CHSY3: variants seen among roughly 807,000 people sequenced by gnomAD.
CHSY3 encodes the protein N-acetylgalactosaminyl-proteoglycan 3-beta-glucuronosyltransferase 3.
In CHSY3, 35 loss-of-function variants were observed where a neutral mutation model predicts 67.2. That is an observed-to-expected ratio of 0.52 (90% CI 0.40 to 0.69). The LOEUF is 0.69. CHSY3 is among the 30% of genes least tolerant of loss of function. The probability of loss-of-function intolerance (pLI) is 0.00; values close to 1 mark genes in which losing one functional copy is unlikely to be tolerated. For synonymous variants in CHSY3, 474 were observed against 434.7 expected, an observed-to-expected ratio of 1.09 and a Z score of -1.12; for missense variants, 1,069 against 1,138.5, an observed-to-expected ratio of 0.94 and a Z score of 0.88.
chr5:129,993,117 A>T (rs1204256401), intron 2 of CHSY3, among the ~76,000 whole-genome samples: 1 of 152,188 alleles, frequency 6.6e-6, no homozygotes, highest in African/African-American at 2.4e-5. Flanking sequence ...GTGCTATTTC[A>T]GATGAGAAAA....
chr5:130,143,780 ATGTG>A lies in CHSY3; in HGVS notation c.1087-40447_1087-40444del, dbSNP rs1181042128. 7.3e-3 allele frequency among the ~76,000 whole-genome samples: 438 copies of A among 60,366 alleles called. 5 individuals carry two copies. The highest frequency in any genetic ancestry group is 0.01 in the South Asian group (12 of 1,192). 39.6% of individuals were successfully genotyped at this position (60,366 alleles called of 152,430 possible). A position where few individuals can be genotyped will look rare whatever the true frequency, so the allele number is the denominator to read the frequency against. On this transcript the variant is annotated intron_variant, in intron 2 of 2. Transcript: ENST00000305031. ...TATGTGTGTGTGTGTATATATATAT[ATGTG>A]TATATATATATATATATATATGTGT... is the stretch of plus-strand genomic sequence containing the variant.
At chr5:129,980,361 T>C (rs1762947199) in intron 2 of CHSY3, among the ~76,000 whole-genome samples, 1 of 152,234 alleles carries the variant, frequency 6.6e-6, no homozygotes, top group African/African-American at 2.4e-5. Context: ...ACATTTGACA[T>C]TTCATTCACA....
At chr5:130,020,279 G>A (rs1764328797) in intron 2 of CHSY3, among the ~76,000 whole-genome samples, 1 of 151,478 alleles carries the variant, frequency 6.6e-6, no homozygotes, top group African/African-American at 2.4e-5. Context: ...AAATTAGCAG[G>A]GTGTGGTGGC....
At chr5:130,059,431 C>G (rs184319802) in intron 2 of CHSY3, among the ~76,000 whole-genome samples, 1 of 150,542 alleles carries the variant, frequency 6.6e-6, no homozygotes. Flanking sequence ...CTCTTTCTTC[C>G]CCCTCTCCTT....
At chr5:130,140,352 G>C (rs984439665) in intron 2 of CHSY3, 1 of 579,760 alleles carries the variant, frequency 1.7e-6, no homozygotes, top group Non-Finnish European at 3.1e-6. Context: ...ACAAGGGAGA[G>C]ACAAAAAGCT....
intron 2 of CHSY3, among the ~76,000 whole-genome samples, chr5:130,117,898 A>G (rs933434097): frequency 7.9e-5 from 12 of 152,110 alleles, no homozygotes; most frequent in South Asian, 6.2e-4. Context: ...GTGATTCTCA[A>G]TGTTGGAGGT....
At chr5:129,970,398 TTAGATAGATAGATAGATAGATAGATAGA>T (rs59639782) in intron 2 of CHSY3, among the ~76,000 whole-genome samples, 1 of 145,634 alleles carries the variant, frequency 6.9e-6, no homozygotes, top group Non-Finnish European at 1.5e-5. Flanking sequence ...GAGGAACAGA[TTAGATAGATAGATAGATAGATAGATAGA>T]TAGATAGATA....
chr5:129,972,328 AC>A (rs1383541653), intron 2 of CHSY3, among the ~76,000 whole-genome samples: 1 of 151,760 alleles, frequency 6.6e-6, no homozygotes, highest in Non-Finnish European at 1.5e-5. Context: ...TGACTTGAAG[AC>A]CCCTAACAGT....
intron 2 of CHSY3, 69 bp downstream of exon 2, chr5:129,908,429 C>G: frequency 6.5e-7 from 1 of 1,548,816 alleles, no homozygotes; most frequent in Non-Finnish European, 8.7e-7. Flanking sequence ...TCTAGGGCAG[C>G]GATTCTATTC....
Position 129,943,018 on chromosome 5 carries a change from G to A in CHSY3, c.1086+34658G>A, listed in dbSNP as rs565152475. On this transcript the variant is annotated intron_variant, in intron 2 of 2. Transcript: ENST00000305031. ...AAGTTATATATTTTTTTATCTTGATGATAATGAAATAATATATATTGGCAC... is the reference window on the plus strand; with the variant it reads ...AAGTTATATATTTTTTTATCTTGATAATAATGAAATAATATATATTGGCAC... Among the ~76,000 whole-genome samples, 15 of 152,230 alleles carry A rather than the reference G, an allele frequency of 9.9e-5. No homozygotes were observed. The East Asian group carries it at 1.7e-3, about 18-fold the overall frequency.
At chr5:130,025,224 G>A (rs1210698527) in intron 2 of CHSY3, among the ~76,000 whole-genome samples, 1 of 152,116 alleles carries the variant, frequency 6.6e-6, no homozygotes, top group Non-Finnish European at 1.5e-5. Context: ...TTTGGATTTG[G>A]TATAGGGATC....
At chr5:130,071,537 TTGTGTGTG>T (rs3065054) in intron 2 of CHSY3, among the ~76,000 whole-genome samples, 2,036 of 141,884 alleles carry the variant, frequency 0.014, 49 homozygotes, top group African/African-American at 0.049. Context: ...TAGTAGTTCA[TTGTGTGTG>T]TGTGTGTGTG....
At position 129,908,178 on chromosome 5, in the gene CHSY3, C is replaced by T; in HGVS notation, c.904C>T (p.Leu302=). ...TATTGAAGAGCTTGGAAAGCTGGGA[C>T]TGGAGCCTGGGGAAAACTTCTGTAT... ...GNIEELGKLG[L]EPGENFCMGG... Residue 302 remains leucine (L), a synonymous_variant, in exon 2 of 3, where the codon CTG becomes TTG. Coordinates refer to ENST00000305031, the MANE Select transcript of CHSY3 (RefSeq NM_175856.5). 2 of 1,614,200 alleles carry T rather than the reference C, an allele frequency of 1.2e-6. No individual in the cohort carries two copies. Among genetic ancestry groups the T allele is most frequent in the East Asian group, 2.2e-5 (1 of 44,888 alleles).
intron 2 of CHSY3, among the ~76,000 whole-genome samples, chr5:129,910,122 TGAAGA>T (rs1240709949): frequency 1.3e-5 from 2 of 151,992 alleles, no homozygotes; most frequent in Non-Finnish European, 1.5e-5. Context: ...CTGGTTAAAG[TGAAGA>T]GAAGTTATAT....
At chr5:130,044,764 G>A (rs1335342873) in intron 2 of CHSY3, among the ~76,000 whole-genome samples, 1 of 152,092 alleles carries the variant, frequency 6.6e-6, no homozygotes, top group South Asian at 2.1e-4. Context: ...AAGCTGTCAA[G>A]TAACGTAAGA....
intron 2 of CHSY3, among the ~76,000 whole-genome samples, chr5:130,075,492 T>A (rs1277727891): frequency 6.6e-6 from 1 of 152,176 alleles, no homozygotes; most frequent in Admixed American, 6.6e-5. Flanking sequence ...ATGGGATAAC[T>A]TTTTTCCTTT....
intron 2 of CHSY3, among the ~76,000 whole-genome samples, chr5:129,980,225 G>A (rs1036014535): frequency 3.3e-5 from 5 of 152,216 alleles, no homozygotes; most frequent in African/African-American, 4.8e-5. Context: ...ATAAATGGGA[G>A]TTTCTGTCGC....
intron 2 of CHSY3, among the ~76,000 whole-genome samples, chr5:129,989,771 A>G (rs1237624940): frequency 6.6e-6 from 1 of 152,230 alleles, no homozygotes; most frequent in East Asian, 1.9e-4. Flanking sequence ...TGATAATTAT[A>G]GTGCATGCTT....
At chr5:130,146,383 C>T (rs937217180) in intron 2 of CHSY3, among the ~76,000 whole-genome samples, 2 of 151,832 alleles carry the variant, frequency 1.3e-5, no homozygotes, top group Admixed American at 1.3e-4. Flanking sequence ...CTCACTCATA[C>T]GTGGAAACTA....
Sources: allele counts gnomAD v4.1 joint callset (sites outside exome capture counted in the v4.1 genomes callset), GRCh38; gene constraint gnomAD v4.1.1; transcripts MANE v1.5; gene names NCBI Gene and HGNC (gene_info 2026-07-23, HGNC 2026-07-21).